Variants in C8A observed in about 807,000 individuals in gnomAD.
The protein encoded by C8A is complement C8 alpha chain, also known as complement component C8 alpha chain.
In C8A, 67 loss-of-function variants were observed where a neutral mutation model predicts 65.3. The observed-to-expected ratio is 1.03, with a 90% CI of 0.84 to 1.26. The LOEUF is 1.26. Ranked by LOEUF, C8A falls within the 50% of genes most tolerant of loss-of-function variation. The pLI is 0.00. For missense variants in C8A, 781 were observed against 723.9 expected (o/e 1.08, Z -0.90); for synonymous variants, 290 against 259.4 (o/e 1.12, Z -1.13).
intron 1 of C8A, among the ~76,000 whole-genome samples, chr1:56,861,051 G>A (rs1435973888): frequency 6.6e-6 from 1 of 152,228 alleles, no homozygotes; most frequent in Non-Finnish European, 1.5e-5. Flanking sequence ...TCATGGTTGT[G>A]CAAGTTGTAC....
chr1:56,898,054 G>A (rs1428704372), intron 7 of C8A, among the ~76,000 whole-genome samples: 1 of 152,122 alleles, frequency 6.6e-6, no homozygotes, highest in East Asian at 1.9e-4. Flanking sequence ...AAAATTACTA[G>A]GAGTAGAAGT....
Position 56,885,816 on chromosome 1 carries a change from CT to C in C8A, c.856-110del. ...CCTCCAGCTTCTGCCTCCCAAAATG[CT>C]GGGATTACAGGCATGAGCCACTGCA... On this transcript the variant is annotated intron_variant, in intron 6 of 10. Transcript: ENST00000361249. 4 of 1,457,754 alleles carry C rather than the reference CT, an allele frequency of 2.7e-6. No individual in the cohort carries two copies. The South Asian group carries it at 4.7e-5, about 17-fold the overall frequency. 90.3% of individuals were successfully genotyped at this position (1,457,754 alleles called of 1,614,324 possible).
In C8A at chr1:56,909,137, A is replaced by G. The variant is rs189583270; in HGVS notation, c.1380+1024A>G. 2.1e-3 allele frequency among the ~76,000 whole-genome samples: 327 copies of G among 152,302 alleles called. 16 individuals carry two copies. In the South Asian group the frequency reaches 0.063, roughly 29 times the overall value. ...AACCTCACAAAGTGTGAAAAATTCTATTTTAACCACAAAGGAAGTGATTGT... is the reference window on the plus strand; with the variant it reads ...AACCTCACAAAGTGTGAAAAATTCTGTTTTAACCACAAAGGAAGTGATTGT... On this transcript the variant is annotated intron_variant, in intron 9 of 10. Coordinates refer to ENST00000361249, the MANE Select transcript of C8A (RefSeq NM_000562.3).
At chr1:56,904,865 C>G (rs998923354) in intron 7 of C8A, among the ~76,000 whole-genome samples, 2 of 152,136 alleles carry the variant, frequency 1.3e-5, no homozygotes. Flanking sequence ...ATTCTCTTCT[C>G]CCAGCATCAC....
rs558262759 is a variant in C8A at position 56,881,440 on chromosome 1, T to C, written c.465-5T>C. 1.9e-6 allele frequency: 3 copies of C among 1,613,512 alleles called. No homozygotes were observed. The highest frequency in any genetic ancestry group is 2.7e-5 in the African/African-American group (2 of 74,986). On this transcript the variant is annotated splice_polypyrimidine_tract_variant and splice_region_variant and intron_variant, in intron 4 of 10. Transcript: ENST00000361249. Reference sequence around the variant, plus strand: ...GCTATTTAGAAGCTGCTTTGTTCCATGTAGGTACAATATCCTGACCCAGGA... The same window carrying C: ...GCTATTTAGAAGCTGCTTTGTTCCACGTAGGTACAATATCCTGACCCAGGA...
At chr1:56,906,995 C>T (rs756432125) in intron 8 of C8A, among the ~76,000 whole-genome samples, 2 of 152,060 alleles carry the variant, frequency 1.3e-5, no homozygotes, top group African/African-American at 2.4e-5. Context: ...CTTAGAAATA[C>T]CTACCTTTAT....
intron 4 of C8A, among the ~76,000 whole-genome samples, chr1:56,879,174 T>C (rs1052616436): frequency 1.3e-5 from 2 of 152,160 alleles, no homozygotes; most frequent in Admixed American, 6.5e-5. Flanking sequence ...TCTGGCTCTT[T>C]ATTAAAAAAA....
At chr1:56,874,651 C>T (rs868566035) in intron 2 of C8A, among the ~76,000 whole-genome samples, 1 of 152,304 alleles carries the variant, frequency 6.6e-6, no homozygotes, top group Non-Finnish European at 1.5e-5. Context: ...AGGAATTTAA[C>T]TTCTTCAAGA....
chr1:56,885,411 T>C lies in C8A; in HGVS notation c.856-516T>C, dbSNP rs866033829. ...ATATATTTAAATAAATATATATTTA[T>C]TTAAATATATATTTAAATATATATT... On this transcript the variant is annotated intron_variant, in intron 6 of 10. Transcript: ENST00000361249. 5.9e-4 allele frequency among the ~76,000 whole-genome samples: 55 copies of C among 92,840 alleles called. 1 individual carries two copies. The highest frequency in any genetic ancestry group is 2.4e-3 in the South Asian group (6 of 2,456). 60.9% of individuals were successfully genotyped at this position (92,840 alleles called of 152,430 possible). A position where few individuals can be genotyped will look rare whatever the true frequency, so the allele number is the denominator to read the frequency against.
chr1:56,885,381 T>TCA (rs1644286683), intron 6 of C8A, among the ~76,000 whole-genome samples: 2 of 115,576 alleles, frequency 1.7e-5, no homozygotes, highest in South Asian at 5.7e-4. Context: ...TATATTTATT[T>TCA]AAATATATAT....
chr1:56,885,325 T>TG (rs1404991530), intron 6 of C8A, among the ~76,000 whole-genome samples: 6 of 135,642 alleles, frequency 4.4e-5, no homozygotes, highest in Non-Finnish European at 9.4e-5. Flanking sequence ...AATATATTTA[T>TG]TTAAATATAT....
chr1:56,858,369 G>T (rs1268606443), intron 1 of C8A, among the ~76,000 whole-genome samples: 1 of 152,170 alleles, frequency 6.6e-6, no homozygotes, highest in African/African-American at 2.4e-5. Context: ...TCTTCTAAGA[G>T]TGTTGATTTT....
intron 1 of C8A, among the ~76,000 whole-genome samples, chr1:56,866,904 G>C (rs1012269331): frequency 1.3e-5 from 2 of 152,162 alleles, no homozygotes; most frequent in African/African-American, 4.8e-5. Flanking sequence ...ATGAGGAGCA[G>C]GAAATGGGTT....
At chr1:56,864,542 T>C (rs997412130) in intron 1 of C8A, among the ~76,000 whole-genome samples, 3 of 152,070 alleles carry the variant, frequency 2.0e-5, no homozygotes, top group Non-Finnish European at 4.4e-5. Flanking sequence ...AGGTGATTCA[T>C]GAATGAATGA....
intron 2 of C8A, among the ~76,000 whole-genome samples, chr1:56,868,745 G>A (rs1279991645): frequency 6.6e-6 from 1 of 152,108 alleles, no homozygotes; most frequent in African/African-American, 2.4e-5. Context: ...ACCACTCACT[G>A]CCTGAACCTT....
intron 7 of C8A, among the ~76,000 whole-genome samples, chr1:56,905,399 C>T (rs1350642582): frequency 6.6e-6 from 1 of 152,198 alleles, no homozygotes; most frequent in Non-Finnish European, 1.5e-5. Flanking sequence ...TCTAAGTTTC[C>T]TTCCATCAGA....
At chr1:56,857,255 C>T (rs950435695) in intron 1 of C8A, among the ~76,000 whole-genome samples, 4 of 151,628 alleles carry the variant, frequency 2.6e-5, no homozygotes, top group Non-Finnish European at 4.4e-5. Context: ...TGCCTACTTA[C>T]AGTTCTATCA....
intron 1 of C8A, among the ~76,000 whole-genome samples, chr1:56,865,045 A>G (rs1041041267): frequency 2.6e-5 from 4 of 152,160 alleles, no homozygotes; most frequent in Non-Finnish European, 5.9e-5. Flanking sequence ...TACTTAAGAA[A>G]GTCCTTCTAG....
chr1:56,861,409 A>G (rs1161923400), intron 1 of C8A, among the ~76,000 whole-genome samples: 3 of 152,158 alleles, frequency 2.0e-5, no homozygotes, highest in Non-Finnish European at 4.4e-5. Context: ...TTGCTTTACA[A>G]CAACTCATTT....
Sources: allele counts gnomAD v4.1 joint callset (sites outside exome capture counted in the v4.1 genomes callset), GRCh38; gene constraint gnomAD v4.1.1; transcripts MANE v1.5; gene names NCBI Gene and HGNC (gene_info 2026-07-23, HGNC 2026-07-21).